Variants in TNFRSF1B observed in about 807,000 individuals in gnomAD.
The protein encoded by TNFRSF1B is TNF receptor superfamily member 1B, also known as tumor necrosis factor receptor superfamily member 1B.
In TNFRSF1B, 19 loss-of-function variants were observed where a neutral mutation model predicts 44.6. The observed-to-expected ratio is 0.43, with a 90% CI of 0.30 to 0.62. The LOEUF is 0.62. Ranked by LOEUF, TNFRSF1B falls within the 20% of genes least tolerant of loss-of-function variation. The pLI is 0.16. For missense variants in TNFRSF1B, 541 were observed against 619.9 expected (o/e 0.87, Z 1.35); for synonymous variants, 252 against 261.1 (o/e 0.97, Z 0.34).
chr1:12,182,261 A>T (rs565782949), intron 1 of TNFRSF1B, among the ~76,000 whole-genome samples: 14 of 152,168 alleles, frequency 9.2e-5, no homozygotes, highest in Non-Finnish European at 1.8e-4. Context: ...GATGACTGGC[A>T]TGAAGCAGGC....
At chr1:12,195,484 A>T (rs1271037465) in intron 8 of TNFRSF1B, among the ~76,000 whole-genome samples, 1 of 152,210 alleles carries the variant, frequency 6.6e-6, no homozygotes, top group African/African-American at 2.4e-5. Context: ...GATGGTAATC[A>T]TCACTTCATA....
intron 1 of TNFRSF1B, among the ~76,000 whole-genome samples, chr1:12,176,974 T>C (rs1466810663): frequency 7.1e-6 from 1 of 140,990 alleles, no homozygotes; most frequent in Non-Finnish European, 1.6e-5. Context: ...CTGCCTGTCC[T>C]GAGCCCTGAG....
intron 4 of TNFRSF1B, 116 bp from the exon 5 acceptor site, chr1:12,192,315 G>T: frequency 1.3e-6 from 1 of 785,266 alleles, no homozygotes; most frequent in Non-Finnish European, 2.2e-6. Flanking sequence ...TGTAAGGGGT[G>T]GAGGTGCAGA....
intron 1 of TNFRSF1B, among the ~76,000 whole-genome samples, chr1:12,170,955 C>T (rs1043711731): frequency 2.6e-5 from 4 of 151,764 alleles, no homozygotes; most frequent in Non-Finnish European, 5.9e-5. Context: ...GGATTACAAG[C>T]ATGTGCCACT....
chr1:12,174,888 G>C (rs549661663), intron 1 of TNFRSF1B, among the ~76,000 whole-genome samples: 101 of 152,346 alleles, frequency 6.6e-4, no homozygotes, highest in African/African-American at 2.2e-3. Flanking sequence ...TCGGAGCTGG[G>C]GCTCAGGTTT....
At chr1:12,170,875 C>A (rs1638506897) in intron 1 of TNFRSF1B, among the ~76,000 whole-genome samples, 1 of 151,674 alleles carries the variant, frequency 6.6e-6, no homozygotes, top group African/African-American at 2.4e-5. Context: ...GGGGTTTCAC[C>A]ATATTGCCCA....
rs973989684 is a variant in TNFRSF1B, at chr1:12,178,680, G to A, written c.79-10116G>A. ...GCTGAGAAGTCAGCACTGCCAGGTCGGGGGTGGCGGGTCAGGACGTTTGGG... is the reference window on the plus strand; with the variant it reads ...GCTGAGAAGTCAGCACTGCCAGGTCAGGGGTGGCGGGTCAGGACGTTTGGG... On this transcript the variant is annotated intron_variant, in intron 1 of 9. Coordinates refer to ENST00000376259, the MANE Select transcript of TNFRSF1B (RefSeq NM_001066.3). This position sits in a 1 kb window ranked among gnomAD's most constrained non-coding sequence, Gnocchi z 4.3. 2.6e-5 allele frequency among the ~76,000 whole-genome samples: 4 copies of A among 152,158 alleles called. No homozygotes were observed. Among genetic ancestry groups the A allele is most frequent in the Non-Finnish European group, 4.4e-5 (3 of 68,008 alleles).
At chr1:12,198,265 C>T (rs980352548) in intron 8 of TNFRSF1B, among the ~76,000 whole-genome samples, 1 of 152,128 alleles carries the variant, frequency 6.6e-6, no homozygotes, top group East Asian at 1.9e-4. Context: ...CTGTGCCCAG[C>T]GTTCTTTATT....
At chr1:12,183,096 C>T (rs933352296) in intron 1 of TNFRSF1B, among the ~76,000 whole-genome samples, 5 of 152,214 alleles carry the variant, frequency 3.3e-5, no homozygotes, top group Non-Finnish European at 7.4e-5. Context: ...CACAGTTGCC[C>T]CTGGGAGGTA....
intron 1 of TNFRSF1B, among the ~76,000 whole-genome samples, chr1:12,173,553 G>A (rs957566642): frequency 2.0e-5 from 3 of 152,112 alleles, no homozygotes; most frequent in Non-Finnish European, 4.4e-5. Flanking sequence ...TTTCAAGTTC[G>A]GGAGCTAGAT....
At chr1:12,190,505 T>A (rs998960791) in intron 2 of TNFRSF1B, among the ~76,000 whole-genome samples, 2 of 151,792 alleles carry the variant, frequency 1.3e-5, no homozygotes, top group East Asian at 1.9e-4. Context: ...AACTTTTTTT[T>A]AAGGTTTCCG....
Position 12,207,363 on chromosome 1 carries a change from G to T in TNFRSF1B, c.*343G>T, listed in dbSNP as rs1053867261. 4.3e-5 allele frequency: 10 copies of T among 232,160 alleles called. No homozygotes were observed. Among genetic ancestry groups the T allele is most frequent in the African/African-American group, 2.1e-4 (9 of 43,862 alleles). The allele number at this position is 232,160 out of a possible 1,614,324, so 14.4% of individuals were successfully genotyped here. Reference sequence around the variant, plus strand: ...GGCTTCTGGAGCCCTTGGGTTTTTTGTTTGTTTGTTTGTTTGTTTGTTTGT... The same window carrying T: ...GGCTTCTGGAGCCCTTGGGTTTTTTTTTTGTTTGTTTGTTTGTTTGTTTGT... On this transcript the variant is annotated 3_prime_UTR_variant, in exon 10 of 10. Coordinates refer to ENST00000376259, the MANE Select transcript of TNFRSF1B (RefSeq NM_001066.3).
At chr1:12,194,357 G>T (rs1017572270) in intron 7 of TNFRSF1B, among the ~76,000 whole-genome samples, 1 of 152,088 alleles carries the variant, frequency 6.6e-6, no homozygotes, top group Non-Finnish European at 1.5e-5. Context: ...GGAAGGACAC[G>T]CATCCTCAGT....
chr1:12,191,607 C>T (rs1273401957), intron 3 of TNFRSF1B, 167 bp from the exon 4 acceptor site: 1 of 759,200 alleles, frequency 1.3e-6, no homozygotes, highest in African/African-American at 1.7e-5. Flanking sequence ...AGTAGCAGGA[C>T]TGCCGGTCCT....
chr1:12,197,900 C>T lies in TNFRSF1B; in HGVS notation c.900+3282C>T, dbSNP rs569740707. On this transcript the variant is annotated intron_variant, in intron 8 of 9. Transcript: ENST00000376259. ...CAGCACTTTGGGAGGCCGAGGGGGG[C>T]GGATCACGAGGTCAGGAGATCGAGA... Among the ~76,000 whole-genome samples the T allele has an allele frequency of 9.1e-4, 139 of 152,142 alleles. 3 individuals are homozygous for T. Among genetic ancestry groups the T allele is most frequent in the Admixed American group, 8.4e-3 (129 of 15,286 alleles).
intron 1 of TNFRSF1B, among the ~76,000 whole-genome samples, chr1:12,183,712 T>C (rs372028572): frequency 0.011 from 629 of 57,090 alleles, 9 homozygotes; most frequent in East Asian, 0.048. Context: ...ATCTATCTAT[T>C]CTATCTACCT....
Position 12,208,022 on chromosome 1 carries a change from T to C in TNFRSF1B, c.*1002T>C, listed in dbSNP as rs1358846179. 1 of 152,186 alleles carries C rather than the reference T, an allele frequency of 6.6e-6. No homozygotes were observed. Among genetic ancestry groups the C allele is most frequent in the Non-Finnish European group, 1.5e-5 (1 of 68,030 alleles). The allele number at this position is 152,186 out of a possible 1,614,324, so 9.4% of individuals were successfully genotyped here. A position where few individuals can be genotyped will look rare whatever the true frequency, so the allele number is the denominator to read the frequency against. ...GGCCACCATATTCAGTGCTGTGGCC[T>C]GGGCAAGATAACGCACTTCTAACTA... On this transcript the variant is annotated 3_prime_UTR_variant, in exon 10 of 10. Transcript: ENST00000376259.
chr1:12,182,396 C>T (rs1638832775), intron 1 of TNFRSF1B, among the ~76,000 whole-genome samples: 1 of 152,238 alleles, frequency 6.6e-6, no homozygotes, highest in South Asian at 2.1e-4. Flanking sequence ...CCCGGCCCCG[C>T]ACCTTGTGTC....
chr1:12,183,850 T>TCTATCTACCTAC (rs1390376605), intron 1 of TNFRSF1B, among the ~76,000 whole-genome samples: 127 of 137,472 alleles, frequency 9.2e-4, no homozygotes, highest in Non-Finnish European at 1.6e-3. Context: ...TATCTATCTA[T>TCTATCTACCTAC]CTACCTACCT....
Sources: gnomAD v4.1 joint callset for allele counts (sites outside exome capture counted in the v4.1 genomes callset) on GRCh38, gnomAD v4.1.1 for gene constraint, Gnocchi (gnomAD v3.1) non-coding constraint, MANE v1.5 for transcripts, NCBI Gene and HGNC (gene_info 2026-07-23, HGNC 2026-07-21) for gene names.